The following TRPM8 variants were observed in gnomAD, a reference collection of about 807,000 sequenced individuals.
TRPM8 encodes the protein transient receptor potential cation channel subfamily M member 8.
Under a neutral mutation model 133.7 loss-of-function variants are expected in TRPM8, and 110 were observed. That is an observed-to-expected ratio of 0.82 (90% CI 0.70 to 0.96). The LOEUF (loss-of-function observed/expected upper bound fraction) is 0.96. Among genes scored for constraint, TRPM8 ranks in the 40% least tolerant of loss-of-function variants. TRPM8 has a pLI of 0.00. For missense variants in TRPM8, 1,291 were observed against 1,379.5 expected (o/e 0.94, Z 1.02); for synonymous variants, 535 against 532.3 (o/e 1.01, Z -0.07).
At chr2:233,993,526 TCCC>T (rs1692332975) in intron 21 of TRPM8, among the ~76,000 whole-genome samples, 1 of 152,218 alleles carries the variant, frequency 6.6e-6, no homozygotes, top group East Asian at 1.9e-4. Context: ...CACCTGCACC[TCCC>T]TGCTTTGTAA....
intron 13 of TRPM8, among the ~76,000 whole-genome samples, chr2:233,964,185 C>A (rs866288780): frequency 3.9e-5 from 6 of 152,260 alleles, no homozygotes; most frequent in African/African-American, 1.2e-4. Context: ...AAAATTGATT[C>A]TACTATTTCC....
chr2:233,975,883 A>G (rs1304245818), intron 17 of TRPM8, among the ~76,000 whole-genome samples: 1 of 151,980 alleles, frequency 6.6e-6, no homozygotes, highest in Non-Finnish European at 1.5e-5. Context: ...CTCCACCTCA[A>G]ACAAAACAAA....
Position 233,989,621 on chromosome 2 carries a change from G to A in TRPM8, c.2939+3756G>A, listed in dbSNP as rs1253693509. On this transcript the variant is annotated intron_variant, in intron 21 of 25. Transcript: ENST00000324695. The surrounding 1 kb of genome is among the most constrained non-coding windows in gnomAD (Gnocchi z 4.2). ...GGCCCCAGGATGTGACCCTTCCCTGGCACCACATCAAAATACTCATTTAAA... is the reference window on the plus strand; with the variant it reads ...GGCCCCAGGATGTGACCCTTCCCTGACACCACATCAAAATACTCATTTAAA... Among the ~76,000 whole-genome samples the A allele has an allele frequency of 6.6e-6, 1 of 152,110 alleles. No individual in the cohort carries two copies. The highest frequency in any genetic ancestry group is 1.5e-5 in the Non-Finnish European group (1 of 68,018).
At chr2:233,959,872 C>T (rs1691388889) in intron 11 of TRPM8, among the ~76,000 whole-genome samples, 1 of 151,938 alleles carries the variant, frequency 6.6e-6, no homozygotes, top group South Asian at 2.1e-4. Context: ...ACTTCTGCCT[C>T]CTGGGTTCAA....
intron 21 of TRPM8, among the ~76,000 whole-genome samples, chr2:233,993,300 G>T (rs955639411): frequency 6.6e-6 from 1 of 152,192 alleles, no homozygotes; most frequent in Non-Finnish European, 1.5e-5. Flanking sequence ...AGCAGGAGGG[G>T]CCGTGCAGTC....
chr2:233,945,695 G>A (rs957436415), intron 6 of TRPM8, among the ~76,000 whole-genome samples, 161 bp from the exon 7 acceptor site: 3 of 152,168 alleles, frequency 2.0e-5, no homozygotes, highest in Admixed American at 2.0e-4. Flanking sequence ...AAGGAAGTCT[G>A]TACTATAAGA....
intron 24 of TRPM8, among the ~76,000 whole-genome samples, chr2:234,012,565 T>G (rs1692869131): frequency 6.6e-6 from 1 of 152,134 alleles, no homozygotes; most frequent in Non-Finnish European, 1.5e-5. Flanking sequence ...ATAATTTTAC[T>G]TTCTTCTTTG....
intron 1 of TRPM8, among the ~76,000 whole-genome samples, chr2:233,921,176 T>A (rs1223971180): frequency 6.6e-6 from 1 of 152,148 alleles, no homozygotes; most frequent in Non-Finnish European, 1.5e-5. Flanking sequence ...TTTCACCACT[T>A]GGACATGCAT....
rs201080817 is a variant in TRPM8 at position 233,970,367 on chromosome 2, C to G, written c.2296C>G (p.Pro766Ala). ...LLMDFHSVPH[P>A]PELVLYSLVF... is the part of the protein sequence containing the mutation. ...CATGGATTTCCATTCGGTGCCACAC[C>G]CCCCCGAGCTGGTCCTGTACTCGCT... The change falls in exon 17 of 26, where the codon CCC becomes GCC. Residue 766 changes from proline (P) to alanine (A), a missense_variant. Physicochemically the swap from Pro to Ala is conservative, Grantham distance 27. Coordinates refer to ENST00000324695, the MANE Select transcript of TRPM8 (RefSeq NM_024080.5). The G allele has an allele frequency of 5.0e-6, 8 of 1,613,996 alleles. No homozygotes were observed. Among genetic ancestry groups the G allele is most frequent in the Non-Finnish European group, 1.7e-6 (2 of 1,180,050 alleles).
At chr2:233,983,457 G>A (rs1692065254) in intron 20 of TRPM8, 1 of 523,540 alleles carries the variant, frequency 1.9e-6, no homozygotes, top group South Asian at 2.0e-5. Context: ...TTTAAAAATA[G>A]TGATTCTGGT....
chr2:234,006,400 C>T (rs898553901), intron 22 of TRPM8, among the ~76,000 whole-genome samples: 4 of 152,144 alleles, frequency 2.6e-5, no homozygotes, highest in East Asian at 1.9e-4. Flanking sequence ...AACAATGCCT[C>T]GGGCTTATTT....
chr2:234,004,770 A>G (rs1433443685), intron 22 of TRPM8, among the ~76,000 whole-genome samples: 1 of 152,274 alleles, frequency 6.6e-6, no homozygotes, highest in Non-Finnish European at 1.5e-5. Flanking sequence ...CCCACCATCC[A>G]GAGGTAAATA....
intron 11 of TRPM8, among the ~76,000 whole-genome samples, chr2:233,959,512 T>C (rs541529038): frequency 6.6e-6 from 1 of 151,840 alleles, no homozygotes; most frequent in South Asian, 2.1e-4. Flanking sequence ...GGTTTCACCA[T>C]GTTGGCCAGG....
chr2:233,996,247 A>G, intron 21 of TRPM8, 79 bp from the exon 22 acceptor site: 9 of 1,297,318 alleles, frequency 6.9e-6, no homozygotes, highest in Non-Finnish European at 9.8e-6. Flanking sequence ...ATAGCTTAAT[A>G]CCACTATTAC....
At chr2:233,985,995 T>C (rs1692140805) in intron 21 of TRPM8, 130 bp downstream of exon 21, 1 of 867,626 alleles carries the variant, frequency 1.2e-6, no homozygotes. Flanking sequence ...GGGGGATTGG[T>C]GGACTGGAGG....
At chr2:233,972,372 G>A (rs972494804) in intron 17 of TRPM8, among the ~76,000 whole-genome samples, 1 of 152,252 alleles carries the variant, frequency 6.6e-6, no homozygotes, top group African/African-American at 2.4e-5. Context: ...GTTTCTCCAC[G>A]TCCCCACCAG....
At chr2:233,932,930 C>T (rs1691709659) in intron 3 of TRPM8, among the ~76,000 whole-genome samples, 1 of 149,416 alleles carries the variant, frequency 6.7e-6, no homozygotes, top group Non-Finnish European at 1.5e-5. Context: ...CCTAAGCTGC[C>T]AAAGTCTCCC....
chr2:233,947,090 T>A lies in TRPM8; in HGVS notation c.877T>A (p.Ser293Thr), dbSNP rs1288331748. 3 of 1,613,910 alleles carry A rather than the reference T, an allele frequency of 1.9e-6. No individual in the cohort carries two copies. Among genetic ancestry groups the A allele is most frequent in the Non-Finnish European group, 2.5e-6 (3 of 1,179,896 alleles). ...KYISERTIQD[S>T]NYGGKIPIVC... ...GCTTTACTTTTTATATTTTACAGAT[T>A]CCAACTATGGTGGCAAGATCCCCAT... The change falls in exon 8 of 26, where the codon TCC becomes ACC. Residue 293 changes from serine to threonine, a missense_variant and splice_region_variant. Ser to Thr is a moderately conservative substitution (Grantham distance 58). Transcript: ENST00000324695.
At chr2:233,969,953 C>T (rs1691668588) in intron 16 of TRPM8, 146 bp downstream of exon 16, 1 of 711,650 alleles carries the variant, frequency 1.4e-6, no homozygotes, top group Non-Finnish European at 2.4e-6. Flanking sequence ...TCTTGTTTCT[C>T]CCCTGACTTT....
Sources: allele counts gnomAD v4.1 joint callset (sites outside exome capture counted in the v4.1 genomes callset), GRCh38; gene constraint gnomAD v4.1.1; non-coding constraint Gnocchi (gnomAD v3.1); transcripts MANE v1.5; gene names NCBI Gene and HGNC (gene_info 2026-07-23, HGNC 2026-07-21).